PDE10A: variants seen among roughly 807,000 people sequenced by gnomAD.
The protein encoded by PDE10A is cAMP and cAMP-inhibited cGMP 3',5'-cyclic phosphodiesterase 10A.
PDE10A carries 39 observed loss-of-function variants against 97.7 expected under a neutral mutation model. The observed-to-expected ratio is 0.40, with a 90% CI of 0.31 to 0.52. The LOEUF is 0.52. PDE10A is among the 20% of genes least tolerant of loss of function. The probability of loss-of-function intolerance (pLI) is 0.56; values close to 1 mark genes in which losing one functional copy is unlikely to be tolerated. For missense variants in PDE10A, 731 were observed against 1,047.8 expected (o/e 0.70, Z 4.17); for synonymous variants, 371 against 376.8 (o/e 0.98, Z 0.18).
chr6:165,793,956 T>C (rs894114349), intron 1 of PDE10A, among the ~76,000 whole-genome samples: 2 of 152,186 alleles, frequency 1.3e-5, no homozygotes, highest in Non-Finnish European at 1.5e-5. Flanking sequence ...ATAGGTATTA[T>C]GTTTCTTTTA....
At chr6:165,926,318 C>T (rs1782934161) in intron 1 of PDE10A, among the ~76,000 whole-genome samples, 1 of 152,204 alleles carries the variant, frequency 6.6e-6, no homozygotes, top group Non-Finnish European at 1.5e-5. Flanking sequence ...TCCCTTCTTA[C>T]CTGGCAACAA....
intron 10 of PDE10A, among the ~76,000 whole-genome samples, chr6:165,427,946 C>T (rs1409480470): frequency 6.6e-6 from 1 of 152,052 alleles, no homozygotes; most frequent in Non-Finnish European, 1.5e-5. Flanking sequence ...TAGTAAACTT[C>T]CTGTCTCTAC....
chr6:165,734,858 A>T (rs1792524177), intron 1 of PDE10A, among the ~76,000 whole-genome samples: 1 of 152,252 alleles, frequency 6.6e-6, no homozygotes, highest in Non-Finnish European at 1.5e-5. Flanking sequence ...AAGAACGCTT[A>T]AATTGGTAAA....
chr6:165,394,891 A>T (rs2128217507), intron 15 of PDE10A, among the ~76,000 whole-genome samples: 1 of 152,212 alleles, frequency 6.6e-6, no homozygotes, highest in South Asian at 2.1e-4. Context: ...TGTCTCTTTC[A>T]GTTACCCAGC....
At chr6:165,639,042 AGGAGGGAGGGAG>A (rs1267639475) in intron 1 of PDE10A, among the ~76,000 whole-genome samples, 1 of 138,846 alleles carries the variant, frequency 7.2e-6, no homozygotes, top group African/African-American at 2.6e-5. Flanking sequence ...GAGGGAAGGA[AGGAGGGAGGGAG>A]GGAGGGAGAC....
At chr6:165,600,396 C>T (rs1249490928) in intron 1 of PDE10A, among the ~76,000 whole-genome samples, 1 of 152,184 alleles carries the variant, frequency 6.6e-6, no homozygotes, top group East Asian at 1.9e-4. Flanking sequence ...TCCAACTGAA[C>T]CCAATGAGAA....
chr6:165,619,079 CTAGTGT>C (rs879342584), intron 1 of PDE10A, among the ~76,000 whole-genome samples: 13,217 of 105,868 alleles, frequency 0.12, 670 homozygotes, highest in African/African-American at 0.23. Flanking sequence ...GTAGTGTAGT[CTAGTGT>C]AGTCTAGTGT....
intron 5 of PDE10A, among the ~76,000 whole-genome samples, chr6:165,443,228 C>T (rs368468181): frequency 2.0e-5 from 3 of 151,748 alleles, no homozygotes; most frequent in African/African-American, 4.8e-5. Context: ...GTTTGGGGTA[C>T]AGGCATTGGG....
At chr6:165,367,252 T>C (rs1216715220) in intron 18 of PDE10A, among the ~76,000 whole-genome samples, 3 of 151,770 alleles carry the variant, frequency 2.0e-5, no homozygotes, top group Non-Finnish European at 4.4e-5. Context: ...TGTGTGTGTG[T>C]GTGTGTGTGT....
At chr6:165,941,003 A>G (rs1299078245) in intron 1 of PDE10A, among the ~76,000 whole-genome samples, 2 of 152,138 alleles carry the variant, frequency 1.3e-5, no homozygotes, top group Non-Finnish European at 2.9e-5. Context: ...GCACACTTCA[A>G]CACTTCTTGG....
In PDE10A at chr6:165,448,997, A is replaced by T; in HGVS notation, c.1145-20T>A. ...TTGTGGCTGCCAAAGTAATAAGAAA[A>T]GGAAGAAACTGAGCTCAGTGGGAGA... On this transcript the variant is annotated intron_variant, in intron 4 of 21. Coordinates refer to ENST00000539869, the MANE Select transcript of PDE10A (RefSeq NM_001385079.1). 1 of 1,604,000 alleles carries T rather than the reference A, an allele frequency of 6.2e-7. No homozygotes were observed. Among genetic ancestry groups the T allele is most frequent in the Non-Finnish European group, 8.5e-7 (1 of 1,170,932 alleles).
intron 1 of PDE10A, among the ~76,000 whole-genome samples, chr6:165,838,532 A>T (rs1251360212): frequency 1.3e-5 from 2 of 152,168 alleles, no homozygotes; most frequent in Non-Finnish European, 2.9e-5. Flanking sequence ...ATCAGCTCCA[A>T]AAGAAATTCC....
At chr6:165,658,002 T>C (rs1790051039) in intron 1 of PDE10A, among the ~76,000 whole-genome samples, 1 of 152,180 alleles carries the variant, frequency 6.6e-6, no homozygotes, top group Non-Finnish European at 1.5e-5. Context: ...TCAAACAATT[T>C]ACACTCAGTA....
At chr6:165,379,920 C>G (rs539926957) in intron 17 of PDE10A, among the ~76,000 whole-genome samples, 11 of 152,146 alleles carry the variant, frequency 7.2e-5, no homozygotes, top group Non-Finnish European at 1.6e-4. Flanking sequence ...ATTAAAAACT[C>G]TAAGGGCAAG....
chr6:165,792,706 C>T (rs1465754919), intron 1 of PDE10A, among the ~76,000 whole-genome samples: 1 of 152,180 alleles, frequency 6.6e-6, no homozygotes, highest in African/African-American at 2.4e-5. Context: ...CCAGTCCTCT[C>T]TTCAAGTCCA....
At chr6:165,858,508 G>A (rs76310169) in intron 1 of PDE10A, among the ~76,000 whole-genome samples, 6,415 of 152,284 alleles carry the variant, frequency 0.042, 164 homozygotes, top group Middle Eastern at 0.078. Flanking sequence ...TCACCTTGAC[G>A]TGAACGGTCA....
intron 1 of PDE10A, among the ~76,000 whole-genome samples, chr6:165,728,296 C>G (rs912001392): frequency 2.0e-5 from 3 of 152,132 alleles, no homozygotes; most frequent in Admixed American, 2.0e-4. Context: ...TGATGCAAAA[C>G]CAGAAACATG....
chr6:165,552,347 C>T (rs1366070227), intron 1 of PDE10A, among the ~76,000 whole-genome samples: 1 of 152,174 alleles, frequency 6.6e-6, no homozygotes, highest in East Asian at 1.9e-4. Context: ...CAAGGTCAGC[C>T]CTTGGCTGGC....
At chr6:165,866,168 A>G (rs1230957685) in intron 1 of PDE10A, among the ~76,000 whole-genome samples, 2 of 152,202 alleles carry the variant, frequency 1.3e-5, no homozygotes, top group South Asian at 2.1e-4. Flanking sequence ...AGACCCAAGT[A>G]TATGTTTCCA....
Sources: gnomAD v4.1 joint callset for allele counts (sites outside exome capture counted in the v4.1 genomes callset) on GRCh38, gnomAD v4.1.1 for gene constraint, MANE v1.5 for transcripts, NCBI Gene and HGNC (gene_info 2026-07-23, HGNC 2026-07-21) for gene names.